GLRA3: variants seen among roughly 807,000 people sequenced by gnomAD.
The protein encoded by GLRA3 is glycine receptor subunit alpha-3.
A neutral mutation model predicts 60.4 loss-of-function variants in GLRA3; 44 were observed. The observed-to-expected ratio is 0.73, with a 90% CI of 0.57 to 0.94. The LOEUF (loss-of-function observed/expected upper bound fraction) is 0.94. Among genes scored for constraint, GLRA3 ranks in the 40% least tolerant of loss-of-function variants. The pLI, the probability that GLRA3 is intolerant of heterozygous loss-of-function variation, is 0.00. For missense variants in GLRA3, 508 were observed against 564.6 expected (o/e 0.90, Z 1.02); for synonymous variants, 223 against 192.9 (o/e 1.16, Z -1.29).
intron 5 of GLRA3, among the ~76,000 whole-genome samples, chr4:174,713,103 G>A (rs1275330576): frequency 2.0e-5 from 3 of 151,998 alleles, no homozygotes; most frequent in Non-Finnish European, 4.4e-5. Flanking sequence ...ATCTGCCACA[G>A]AGGTTTAATA....
intron 5 of GLRA3, chr4:174,713,842 A>T (rs761592303): frequency 1.3e-5 from 2 of 152,052 alleles, no homozygotes; most frequent in African/African-American, 4.8e-5. Flanking sequence ...TTAATAGTTG[A>T]TCTTCACTTT....
intron 3 of GLRA3, among the ~76,000 whole-genome samples, chr4:174,765,505 A>G (rs1738106255): frequency 6.6e-6 from 1 of 152,064 alleles, no homozygotes; most frequent in African/African-American, 2.4e-5. Context: ...ATGTATAGAA[A>G]CAAAATGAGA....
At chr4:174,737,004 A>G (rs1736818016) in intron 3 of GLRA3, among the ~76,000 whole-genome samples, 1 of 152,224 alleles carries the variant, frequency 6.6e-6, no homozygotes, top group Non-Finnish European at 1.5e-5. Flanking sequence ...AAGGCCTAAC[A>G]GCTTCATCTT....
chr4:174,791,549 T>C (rs947361191), intron 1 of GLRA3, among the ~76,000 whole-genome samples: 2 of 152,216 alleles, frequency 1.3e-5, no homozygotes, highest in Non-Finnish European at 1.5e-5. Flanking sequence ...GTTCTTTTTT[T>C]ATAATCTCTA....
chr4:174,656,111 C>T (rs550010518), intron 9 of GLRA3, among the ~76,000 whole-genome samples: 6 of 152,178 alleles, frequency 3.9e-5, no homozygotes, highest in Non-Finnish European at 5.9e-5. Flanking sequence ...AGTTAAACCA[C>T]GTACAGACCC....
intron 3 of GLRA3, among the ~76,000 whole-genome samples, chr4:174,734,615 T>A (rs959112821): frequency 7.2e-5 from 11 of 152,202 alleles, no homozygotes; most frequent in African/African-American, 1.2e-4. Context: ...AAAATTTTTT[T>A]AAAAAGCAAT....
chr4:174,733,470 C>T (rs1386541823), intron 3 of GLRA3, among the ~76,000 whole-genome samples: 1 of 152,136 alleles, frequency 6.6e-6, no homozygotes, highest in Non-Finnish European at 1.5e-5. Context: ...TAGCAAAGGG[C>T]CCAGCCTGGA....
At chr4:174,739,225 T>C (rs897544095) in intron 3 of GLRA3, among the ~76,000 whole-genome samples, 9 of 152,132 alleles carry the variant, frequency 5.9e-5, no homozygotes, top group Non-Finnish European at 1.0e-4. Context: ...GTTGCAAGGA[T>C]TTGAAGAGAT....
chr4:174,807,203 T>A (rs1053676199), intron 1 of GLRA3, among the ~76,000 whole-genome samples: 16 of 152,008 alleles, frequency 1.1e-4, no homozygotes, highest in Non-Finnish European at 1.8e-4. Flanking sequence ...TGGAAAATAA[T>A]AACATAAACT....
At chr4:174,810,023 T>C (rs1740198397) in intron 1 of GLRA3, among the ~76,000 whole-genome samples, 1 of 152,202 alleles carries the variant, frequency 6.6e-6, no homozygotes, top group Admixed American at 6.6e-5. Flanking sequence ...CATTTTCATC[T>C]TCAAATAGGT....
At chr4:174,701,394 A>G (rs1056537380) in intron 5 of GLRA3, among the ~76,000 whole-genome samples, 3 of 152,196 alleles carry the variant, frequency 2.0e-5, no homozygotes, top group Admixed American at 2.0e-4. Context: ...CTTTCAAAAT[A>G]TCACTGCTGA....
intron 1 of GLRA3, among the ~76,000 whole-genome samples, chr4:174,795,374 T>C (rs758565583): frequency 1.3e-4 from 20 of 152,214 alleles, no homozygotes; most frequent in Non-Finnish European, 1.0e-4. Flanking sequence ...ATTAAAAATA[T>C]ATTTTACCAT....
intron 5 of GLRA3, among the ~76,000 whole-genome samples, chr4:174,710,595 G>A (rs1735682898): frequency 6.6e-6 from 1 of 151,982 alleles, no homozygotes; most frequent in Non-Finnish European, 1.5e-5. Context: ...AACAAAGTTA[G>A]CTCTTTACGC....
intron 1 of GLRA3, among the ~76,000 whole-genome samples, chr4:174,805,050 C>T (rs1312208752): frequency 6.6e-6 from 1 of 152,086 alleles, no homozygotes; most frequent in African/African-American, 2.4e-5. Flanking sequence ...GTCGGCATTC[C>T]CCTGTGCAAG....
chr4:174,664,214 C>T (rs375695516), intron 7 of GLRA3, among the ~76,000 whole-genome samples: 9 of 152,244 alleles, frequency 5.9e-5, no homozygotes, highest in African/African-American at 2.2e-4. Context: ...CACTGGGACA[C>T]GACTCACTAA....
intron 4 of GLRA3, among the ~76,000 whole-genome samples, chr4:174,725,302 T>C (rs1736281886): frequency 6.6e-6 from 1 of 152,210 alleles, no homozygotes; most frequent in African/African-American, 2.4e-5. Context: ...GGTCCACCCA[T>C]ACACTGAGCT....
At chr4:174,722,381 C>T (rs1379090483) in intron 4 of GLRA3, among the ~76,000 whole-genome samples, 2 of 152,114 alleles carry the variant, frequency 1.3e-5, no homozygotes, top group Non-Finnish European at 1.5e-5. Flanking sequence ...ATAAATTATA[C>T]TCCTCTTAGA....
chr4:174,651,119 T>G (rs1226803300), intron 9 of GLRA3, among the ~76,000 whole-genome samples: 1 of 152,192 alleles, frequency 6.6e-6, no homozygotes, highest in African/African-American at 2.4e-5. Context: ...CATCTTTATA[T>G]TAGCTTGGGC....
rs775521910 is a variant in GLRA3 at position 174,637,910 on chromosome 4, T to G, written c.*5876A>C. 2.6e-5 allele frequency: 4 copies of G among 152,006 alleles called. No individual in the cohort carries two copies. The highest frequency in any genetic ancestry group is 4.4e-5 in the Non-Finnish European group (3 of 68,028). 9.4% of individuals were successfully genotyped at this position (152,006 alleles called of 1,614,324 possible). A position where few individuals can be genotyped will look rare whatever the true frequency, so the allele number is the denominator to read the frequency against. ...ATAATTAATTTTATATTTCATTATT[T>G]TATAAGCCTGAAAATATCTCATCAT... On this transcript the variant is annotated 3_prime_UTR_variant, in exon 10 of 10. Transcript: ENST00000274093.
Sources: allele counts gnomAD v4.1 joint callset (sites outside exome capture counted in the v4.1 genomes callset), GRCh38; gene constraint gnomAD v4.1.1; transcripts MANE v1.5; gene names NCBI Gene and HGNC (gene_info 2026-07-23, HGNC 2026-07-21).